GAS6: variants seen among roughly 807,000 people sequenced by gnomAD.
GAS6 encodes growth arrest-specific protein 6.
GAS6 carries 41 observed loss-of-function variants against 75.8 expected under a neutral mutation model. That is an observed-to-expected ratio of 0.54 (90% CI 0.42 to 0.70). The LOEUF (loss-of-function observed/expected upper bound fraction) is 0.70. GAS6 is among the 30% of genes least tolerant of loss of function. The probability of loss-of-function intolerance (pLI) is 0.00; values close to 1 mark genes in which losing one functional copy is unlikely to be tolerated. For missense variants in GAS6, 854 were observed against 940.2 expected (o/e 0.91, Z 1.20); for synonymous variants, 432 against 412.6 (o/e 1.05, Z -0.57).
chr13:113,858,228 G>A (rs2051929754), intron 2 of GAS6, among the ~76,000 whole-genome samples: 1 of 152,238 alleles, frequency 6.6e-6, no homozygotes, highest in Non-Finnish European at 1.5e-5. Flanking sequence ...GTGTCTGCAT[G>A]CATGTGGCTG....
In GAS6 at chr13:113,822,088, A is replaced by G. The variant is rs1354834180; in HGVS notation, c.1752T>C (p.Gly584=). The change falls in exon 14 of 15, where the codon GGT becomes GGC. Residue 584 remains glycine, a synonymous_variant. Transcript: ENST00000327773. ...EHVVTVSLRD[G]EATLEVDGTR... ...TGCCGTCCACCTCCAGGGTGGCCTC[A>G]CCGTCCCTCAGCGAGACGGTGACCA... 2 of 1,596,928 alleles carry G rather than the reference A, an allele frequency of 1.3e-6. No individual in the cohort carries two copies. The highest frequency in any genetic ancestry group is 1.7e-6 in the Non-Finnish European group (2 of 1,173,844).
chr13:113,838,114 AG>A lies in GAS6; in HGVS notation c.543del (p.Cys182AlafsTer17), dbSNP rs1054273707. 1.2e-6 allele frequency: 2 copies of A among 1,612,804 alleles called. No homozygotes were observed. The highest frequency in any genetic ancestry group is 1.7e-6 in the Non-Finnish European group (2 of 1,179,898). On this transcript the variant is annotated frameshift_variant, in exon 6 of 15. Coordinates refer to ENST00000327773, the MANE Select transcript of GAS6 (RefSeq NM_000820.4). ...CHNKPGSFHC[S>X]CHSGFELSSD... ...GAGGAGAGCTCGAAGCCGCTGTGGCAGGAACAGTGGAAGCTACCCGGCTTGT... is the reference window on the plus strand; with the variant it reads ...GAGGAGAGCTCGAAGCCGCTGTGGCAGAACAGTGGAAGCTACCCGGCTTGT...
At chr13:113,829,279 T>G (rs548045492) in intron 10 of GAS6, among the ~76,000 whole-genome samples, 21 of 145,324 alleles carry the variant, frequency 1.4e-4, no homozygotes, top group South Asian at 6.7e-4. Context: ...GGTCCCAATC[T>G]CAGGGAGGCC....
rs9550243 is a variant in GAS6 at position 113,835,460 on chromosome 13, G to A, written c.712+53C>T. ...CCGGCTCGGGCAGTGACTGGCACCCGTGTCTAGACTTGGGCGTCAGAGAAA... is the reference window on the plus strand; with the variant it reads ...CCGGCTCGGGCAGTGACTGGCACCCATGTCTAGACTTGGGCGTCAGAGAAA... On this transcript the variant is annotated intron_variant, in intron 7 of 14. Coordinates refer to ENST00000327773, the MANE Select transcript of GAS6 (RefSeq NM_000820.4). The A allele has an allele frequency of 1.4e-3, 2,203 of 1,592,462 alleles. 6 individuals carry two copies. The highest frequency in any genetic ancestry group is 1.9e-3 in the Middle Eastern group (11 of 5,884).
intron 2 of GAS6, among the ~76,000 whole-genome samples, chr13:113,853,969 C>T (rs1297884960): frequency 6.6e-6 from 1 of 152,252 alleles, no homozygotes; most frequent in African/African-American, 2.4e-5. Flanking sequence ...GCTGATCCCA[C>T]TGCCCACAGG....
intron 6 of GAS6, chr13:113,836,174 A>G: frequency 2.4e-6 from 1 of 417,588 alleles, no homozygotes; most frequent in Non-Finnish European, 2.9e-6. Flanking sequence ...TCACCAGAGG[A>G]GAGCAAAGGC....
chr13:113,842,311 G>A (rs542189588), intron 4 of GAS6: 13 of 315,362 alleles, frequency 4.1e-5, no homozygotes, highest in East Asian at 9.6e-5. Flanking sequence ...CTCGCGTCTC[G>A]AAGTGTTTCT....
chr13:113,858,029 C>T (rs922720628), intron 2 of GAS6, among the ~76,000 whole-genome samples: 1 of 152,258 alleles, frequency 6.6e-6, no homozygotes, highest in Non-Finnish European at 1.5e-5. Flanking sequence ...GCCTTGGCCA[C>T]AGGGCTCCGG....
At chr13:113,852,775 C>T (rs1336020377) in intron 2 of GAS6, among the ~76,000 whole-genome samples, 2 of 152,252 alleles carry the variant, frequency 1.3e-5, no homozygotes, top group Admixed American at 6.5e-5. Context: ...CAGGATGGGT[C>T]GGCCTCGGGG....
chr13:113,847,648 C>T, intron 3 of GAS6: 1 of 235,988 alleles, frequency 4.2e-6, no homozygotes, highest in Non-Finnish European at 8.1e-6. Flanking sequence ...AAATATCAGT[C>T]AATACAGCCC....
chr13:113,826,139 C>T (rs2051535254), intron 12 of GAS6, among the ~76,000 whole-genome samples: 1 of 152,172 alleles, frequency 6.6e-6, no homozygotes, highest in Non-Finnish European at 1.5e-5. Flanking sequence ...GGCAGCGTGG[C>T]GTCACAGGAC....
In GAS6 at chr13:113,846,603, G is replaced by A; in HGVS notation, c.281-14C>T. ...TGTTGATGCAGTCTGCAGGAAGAAA[G>A]GGAATGGATGTCAGTCATCCTTACA... is the stretch of plus-strand genomic sequence containing the variant. On this transcript the variant is annotated splice_polypyrimidine_tract_variant and intron_variant, in intron 3 of 14. Coordinates refer to ENST00000327773, the MANE Select transcript of GAS6 (RefSeq NM_000820.4). The A allele has an allele frequency of 3.7e-6, 6 of 1,610,922 alleles. No homozygotes were observed. In the Middle Eastern group the frequency reaches 9.9e-4, roughly 266 times the overall value.
chr13:113,828,057 C>T (rs984989669), intron 11 of GAS6, among the ~76,000 whole-genome samples: 2 of 152,230 alleles, frequency 1.3e-5, no homozygotes, highest in Admixed American at 6.5e-5. Context: ...GGGCAGTTCA[C>T]GAGGTCAGAA....
intron 2 of GAS6, among the ~76,000 whole-genome samples, chr13:113,860,451 T>C (rs2051962351): frequency 6.6e-6 from 1 of 152,152 alleles, no homozygotes; most frequent in African/African-American, 2.4e-5. Flanking sequence ...GATAAGTCTC[T>C]AGTCTCGGAT....
intron 2 of GAS6, among the ~76,000 whole-genome samples, chr13:113,855,486 C>T (rs1441967214): frequency 2.6e-5 from 4 of 152,316 alleles, no homozygotes; most frequent in South Asian, 2.1e-4. Context: ...GGTTTATTTA[C>T]GGCCTCTCCG....
intron 10 of GAS6, among the ~76,000 whole-genome samples, chr13:113,830,287 G>T (rs917398414): frequency 6.6e-6 from 1 of 152,130 alleles, no homozygotes; most frequent in African/African-American, 2.4e-5. Context: ...AGGTACCCCT[G>T]CTGGGGAAGG....
intron 3 of GAS6, among the ~76,000 whole-genome samples, chr13:113,847,292 C>A (rs2051841981): frequency 6.6e-6 from 1 of 152,222 alleles, no homozygotes; most frequent in African/African-American, 2.4e-5. Context: ...CAGTGCCAGA[C>A]CCACTGTGTT....
chr13:113,842,446 G>A lies in GAS6; in HGVS notation c.344-2596C>T, dbSNP rs1226975672. 3.0e-5 allele frequency: 12 copies of A among 395,240 alleles called. 1 individual carries two copies. The highest frequency in any genetic ancestry group is 8.8e-5 in the Admixed American group (2 of 22,650). 24.5% of individuals were successfully genotyped at this position (395,240 alleles called of 1,614,324 possible). On this transcript the variant is annotated intron_variant, in intron 4 of 14. Transcript: ENST00000327773. ...CCAGGGATTCTGCATCAGCACAGCC[G>A]CCAGGAGCCGGCCGGGGCCCCATCC...
intron 2 of GAS6, among the ~76,000 whole-genome samples, chr13:113,851,585 CTGGA>C (rs1470562085): frequency 2.1e-5 from 3 of 141,466 alleles, no homozygotes; most frequent in Non-Finnish European, 4.4e-5. Context: ...GAATGGGTGA[CTGGA>C]TGGATGGAGA....
Sources: allele counts gnomAD v4.1 joint callset (sites outside exome capture counted in the v4.1 genomes callset), GRCh38; gene constraint gnomAD v4.1.1; transcripts MANE v1.5; gene names NCBI Gene and HGNC (gene_info 2026-07-23, HGNC 2026-07-21).